RABGAP1: variants seen among roughly 807,000 people sequenced by gnomAD.
RABGAP1 encodes RAB GTPase activating protein 1.
Under a neutral mutation model 137.6 loss-of-function variants are expected in RABGAP1, and 23 were observed. The observed-to-expected ratio is 0.17, with a 90% confidence interval of 0.12 to 0.24. The LOEUF is 0.24. RABGAP1 is among the 10% of genes least tolerant of loss of function. The probability of loss-of-function intolerance (pLI) is 1.00; values close to 1 mark genes in which losing one functional copy is unlikely to be tolerated. For missense variants in RABGAP1, 906 were observed against 1,275.8 expected (o/e 0.71, Z 4.42); for synonymous variants, 451 against 450.7 (o/e 1.00, Z -0.01).
chr9:122,947,895 TTAG>T (rs1396950753), intron 1 of RABGAP1, among the ~76,000 whole-genome samples: 5 of 152,160 alleles, frequency 3.3e-5, no homozygotes. Context: ...TGTTTAGCAG[TTAG>T]TAGTGGTGGA....
At chr9:123,023,404 C>T (rs932553734) in intron 13 of RABGAP1, among the ~76,000 whole-genome samples, 1 of 152,168 alleles carries the variant, frequency 6.6e-6, no homozygotes, top group Non-Finnish European at 1.5e-5. Context: ...TCGTCTCGAA[C>T]TCCTGACCTC....
intron 19 of RABGAP1, among the ~76,000 whole-genome samples, chr9:123,088,578 C>G (rs1265444003): frequency 6.6e-6 from 1 of 152,044 alleles, no homozygotes; most frequent in East Asian, 1.9e-4. Context: ...GTCCCAGCTC[C>G]TTGGGAGGCT....
intron 2 of RABGAP1, among the ~76,000 whole-genome samples, chr9:122,972,574 C>T (rs937253289): frequency 6.6e-6 from 1 of 152,150 alleles, no homozygotes; most frequent in African/African-American, 2.4e-5. Flanking sequence ...CAAAGCAAGT[C>T]ACAAGTCCAG....
intron 2 of RABGAP1, among the ~76,000 whole-genome samples, chr9:122,970,751 T>C (rs1835426470): frequency 6.6e-6 from 1 of 152,214 alleles, no homozygotes; most frequent in Non-Finnish European, 1.5e-5. Context: ...AGTGTCTTGT[T>C]GAAAGGTCAT....
chr9:123,024,519 A>G (rs1192054393), intron 13 of RABGAP1, among the ~76,000 whole-genome samples: 1 of 150,982 alleles, frequency 6.6e-6, no homozygotes, highest in Admixed American at 6.6e-5. Context: ...AGCTCACTGC[A>G]ACCTCCGCCT....
intron 6 of RABGAP1, among the ~76,000 whole-genome samples, chr9:122,992,422 G>A (rs900346809): frequency 6.6e-6 from 1 of 152,090 alleles, no homozygotes; most frequent in Non-Finnish European, 1.5e-5. Context: ...TCCCTCAGAA[G>A]TATCAGTATA....
At chr9:123,088,315 G>T (rs2034931354) in intron 19 of RABGAP1, among the ~76,000 whole-genome samples, 1 of 152,022 alleles carries the variant, frequency 6.6e-6, no homozygotes, top group African/African-American at 2.4e-5. Context: ...CTCCCAAAGT[G>T]CTGAGATTAC....
intron 13 of RABGAP1, among the ~76,000 whole-genome samples, chr9:123,044,626 C>CGTGTGTGTGTGTGTGTGTGTGT (rs68089109): frequency 6.7e-6 from 1 of 148,978 alleles, no homozygotes; most frequent in African/African-American, 2.5e-5. Flanking sequence ...AACACACGTA[C>CGTGTGTGTGTGTGTGTGTGTGT]GTGTGTGTGT....
intron 2 of RABGAP1, among the ~76,000 whole-genome samples, chr9:122,972,794 C>T (rs1281967435): frequency 1.3e-5 from 2 of 151,884 alleles, no homozygotes; most frequent in Non-Finnish European, 2.9e-5. Context: ...TAATGCTTTA[C>T]GTAAGCCCTT....
chr9:122,940,344 T>C (rs900156706), upstream of RABGAP1: 1 of 152,246 alleles, frequency 6.6e-6, no homozygotes. Context: ...TGTAACCTTG[T>C]CCATTTCTGT....
chr9:122,976,320 A>G (rs1397854965), intron 2 of RABGAP1, among the ~76,000 whole-genome samples: 1 of 152,196 alleles, frequency 6.6e-6, no homozygotes, highest in Non-Finnish European at 1.5e-5. Context: ...TACTATTCAT[A>G]AATATTTGTT....
chr9:122,950,815 A>G (rs1009083237), intron 1 of RABGAP1, among the ~76,000 whole-genome samples: 3 of 152,258 alleles, frequency 2.0e-5, no homozygotes, highest in Non-Finnish European at 2.9e-5. Context: ...AGCTGTAACC[A>G]TGTTAGCTAA....
At chr9:122,936,564 T>C (rs1833390205), upstream of RABGAP1, among the ~76,000 whole-genome samples, 1 of 152,226 alleles carries the variant, frequency 6.6e-6, no homozygotes, top group African/African-American at 2.4e-5. Flanking sequence ...AGCACGCAGC[T>C]GTATCCACAT....
At chr9:122,990,265 T>C in intron 6 of RABGAP1, 52 bp downstream of exon 6, 1 of 1,454,058 alleles carries the variant, frequency 6.9e-7, no homozygotes. Flanking sequence ...TCAGGGGAAA[T>C]TCTAGGTCAG....
intron 1 of RABGAP1, among the ~76,000 whole-genome samples, chr9:122,947,587 T>C (rs1834010546): frequency 6.6e-6 from 1 of 152,272 alleles, no homozygotes. Context: ...CGATATCTTT[T>C]TTAGTTAATG....
intron 8 of RABGAP1, chr9:122,996,922 G>A (rs937436975): frequency 1.4e-5 from 7 of 486,770 alleles, no homozygotes; most frequent in Non-Finnish European, 2.6e-5. Context: ...CTTACCAATA[G>A]TAGGAGTTAT....
chr9:122,971,099 G>T (rs1385333974), intron 2 of RABGAP1, among the ~76,000 whole-genome samples: 1 of 152,194 alleles, frequency 6.6e-6, no homozygotes, highest in African/African-American at 2.4e-5. Context: ...TTGGAGCTGA[G>T]ATCTCCTCAG....
At chr9:122,981,976 G>A (rs1336210138) in intron 2 of RABGAP1, among the ~76,000 whole-genome samples, 1 of 151,854 alleles carries the variant, frequency 6.6e-6, no homozygotes, top group Admixed American at 6.6e-5. Flanking sequence ...CTGAACCTGG[G>A]AGGCAGAGGT....
At chr9:123,061,276 C>T (rs566816340) in intron 13 of RABGAP1, among the ~76,000 whole-genome samples, 40 of 152,146 alleles carry the variant, frequency 2.6e-4, no homozygotes, top group African/African-American at 7.5e-4. Flanking sequence ...CCAGCACGCC[C>T]GGCTAATTTT....
Sources: allele counts gnomAD v4.1 joint callset (sites outside exome capture counted in the v4.1 genomes callset), GRCh38; gene constraint gnomAD v4.1.1; transcripts MANE v1.5; gene names NCBI Gene and HGNC (gene_info 2026-07-23, HGNC 2026-07-21).